Variants in CDKAL1 observed in about 807,000 individuals in gnomAD.
CDKAL1 encodes threonylcarbamoyladenosine tRNA methylthiotransferase.
Under a neutral mutation model 68.2 loss-of-function variants are expected in CDKAL1, and 32 were observed. The ratio of observed to expected loss-of-function variants is 0.47; its 90% confidence interval spans 0.35 to 0.63. The LOEUF (loss-of-function observed/expected upper bound fraction) is 0.63, where lower values mean the gene tolerates loss of function less well. CDKAL1 is among the 30% of genes least tolerant of loss of function. The probability of loss-of-function intolerance (pLI) is 0.00; values close to 1 mark genes in which losing one functional copy is unlikely to be tolerated. For synonymous variants in CDKAL1, 234 were observed against 244.3 expected (o/e 0.96, Z 0.39); for missense variants, 606 against 696.7 (o/e 0.87, Z 1.47).
intron 5 of CDKAL1, among the ~76,000 whole-genome samples, chr6:20,698,748 A>C (rs1771215141): frequency 6.6e-6 from 1 of 152,224 alleles, no homozygotes; most frequent in South Asian, 2.1e-4. Context: ...GGGAAGAGTA[A>C]GAAGGTAAAA....
At chr6:20,572,691 T>G (rs1001521892) in intron 4 of CDKAL1, among the ~76,000 whole-genome samples, 1 of 152,170 alleles carries the variant, frequency 6.6e-6, no homozygotes, top group East Asian at 1.9e-4. Context: ...GAAGTTAATT[T>G]ATTTCAGGAT....
At chr6:20,607,348 G>T (rs1188267951) in intron 4 of CDKAL1, among the ~76,000 whole-genome samples, 3 of 152,142 alleles carry the variant, frequency 2.0e-5, no homozygotes, top group Non-Finnish European at 4.4e-5. Flanking sequence ...ATAATTTTAA[G>T]TGCATATTTT....
At chr6:20,903,884 G>A (rs1762117815) in intron 9 of CDKAL1, among the ~76,000 whole-genome samples, 1 of 152,206 alleles carries the variant, frequency 6.6e-6, no homozygotes, top group South Asian at 2.1e-4. Context: ...TGCACTGACA[G>A]AACCTGTTTG....
chr6:21,176,702 T>G (rs9460606), intron 13 of CDKAL1, among the ~76,000 whole-genome samples: 9,128 of 146,504 alleles, frequency 0.062, 396 homozygotes, highest in Non-Finnish European at 0.076. Context: ...TTTTGTTTTT[T>G]TTTTTTTTTT....
chr6:20,568,741 A>AC (rs1764573033), intron 4 of CDKAL1, among the ~76,000 whole-genome samples: 2 of 84,360 alleles, frequency 2.4e-5, no homozygotes, highest in African/African-American at 5.3e-5. Context: ...CCTCAAAAAA[A>AC]AAAAAAAAAC....
At chr6:20,805,929 T>TA (rs1332203226) in intron 8 of CDKAL1, among the ~76,000 whole-genome samples, 1 of 152,174 alleles carries the variant, frequency 6.6e-6, no homozygotes, top group African/African-American at 2.4e-5. Context: ...TATGGGGAGA[T>TA]ACAGCAATAT....
chr6:20,546,349 A>G lies in CDKAL1; in HGVS notation c.-2A>G. The G allele has an allele frequency of 6.2e-7, 1 of 1,605,836 alleles. No homozygotes were observed. The highest frequency in any genetic ancestry group is 1.7e-4 in the Middle Eastern group (1 of 6,014). On this transcript the variant is annotated 5_prime_UTR_variant, in exon 3 of 16. Coordinates refer to ENST00000274695, the MANE Select transcript of CDKAL1 (RefSeq NM_017774.3). ...ATTTATAACTTTTATGTGGTAGAGAATATGCCTTCTGCATCCTGTGATACA... is the reference window on the plus strand; with the variant it reads ...ATTTATAACTTTTATGTGGTAGAGAGTATGCCTTCTGCATCCTGTGATACA...
chr6:21,128,311 T>C (rs914418063), intron 13 of CDKAL1, among the ~76,000 whole-genome samples: 4 of 152,264 alleles, frequency 2.6e-5, no homozygotes, highest in Non-Finnish European at 5.9e-5. Flanking sequence ...TAGGCTACGA[T>C]GTTCAGTAGG....
chr6:20,827,421 G>A (rs1360426499), intron 8 of CDKAL1, among the ~76,000 whole-genome samples: 1 of 152,056 alleles, frequency 6.6e-6, no homozygotes, highest in African/African-American at 2.4e-5. Flanking sequence ...CTCTATTTGT[G>A]TTACAATTTT....
chr6:21,036,978 C>T (rs73735610), intron 11 of CDKAL1, among the ~76,000 whole-genome samples: 3 of 152,070 alleles, frequency 2.0e-5, no homozygotes, highest in Non-Finnish European at 2.9e-5. Flanking sequence ...CAAGAGGATT[C>T]GGATTATCAT....
At chr6:20,720,587 A>C (rs9350272) in intron 5 of CDKAL1, among the ~76,000 whole-genome samples, 1 of 151,068 alleles carries the variant, frequency 6.6e-6, no homozygotes. Context: ...GCTCACGGCA[A>C]CCTTTACCTC....
intron 7 of CDKAL1, among the ~76,000 whole-genome samples, chr6:20,763,256 G>C (rs1414985817): frequency 6.6e-6 from 1 of 152,074 alleles, no homozygotes; most frequent in Non-Finnish European, 1.5e-5. Flanking sequence ...CTTACCCTAA[G>C]GTCACAGCTC....
intron 8 of CDKAL1, among the ~76,000 whole-genome samples, chr6:20,822,476 G>A (rs868610874): frequency 4.6e-5 from 7 of 152,150 alleles, no homozygotes; most frequent in East Asian, 3.9e-4. Flanking sequence ...GATACTTCTC[G>A]GATAACAGTT....
intron 9 of CDKAL1, among the ~76,000 whole-genome samples, chr6:20,870,053 G>A (rs1172579002): frequency 2.6e-5 from 4 of 152,130 alleles, no homozygotes; most frequent in African/African-American, 7.2e-5. Flanking sequence ...GTTCCACTTA[G>A]AGAATCCCCG....
intron 15 of CDKAL1, among the ~76,000 whole-genome samples, chr6:21,206,898 G>C (rs1264592809): frequency 2.0e-5 from 3 of 151,216 alleles, no homozygotes; most frequent in Admixed American, 6.6e-5. Context: ...TGGTTTCCTG[G>C]CTTTTATTTT....
At chr6:21,222,926 G>A (rs1034597812) in intron 15 of CDKAL1, among the ~76,000 whole-genome samples, 1 of 152,000 alleles carries the variant, frequency 6.6e-6, no homozygotes. Flanking sequence ...TCATGTGAGC[G>A]CATCAAGTGT....
intron 13 of CDKAL1, among the ~76,000 whole-genome samples, chr6:21,130,976 A>G (rs1775290883): frequency 6.6e-6 from 1 of 152,220 alleles, no homozygotes; most frequent in African/African-American, 2.4e-5. Context: ...TTCCTTCTGC[A>G]CCAGCTCCCA....
At chr6:20,913,364 G>A (rs754268565) in intron 9 of CDKAL1, among the ~76,000 whole-genome samples, 17 of 152,122 alleles carry the variant, frequency 1.1e-4, no homozygotes, top group Non-Finnish European at 2.2e-4. Context: ...GAACTGTAGG[G>A]TTGAGGGCTT....
chr6:21,186,447 A>G (rs1396571873), intron 13 of CDKAL1, among the ~76,000 whole-genome samples: 1 of 152,226 alleles, frequency 6.6e-6, no homozygotes, highest in African/African-American at 2.4e-5. Context: ...TTTAAGTCCA[A>G]ATGCCACTGT....
Sources: allele counts gnomAD v4.1 joint callset (sites outside exome capture counted in the v4.1 genomes callset), GRCh38; gene constraint gnomAD v4.1.1; transcripts MANE v1.5; gene names NCBI Gene and HGNC (gene_info 2026-07-23, HGNC 2026-07-21).